EYA3: variants seen among roughly 807,000 people sequenced by gnomAD.
EYA3 encodes the protein EYA transcriptional coactivator and phosphatase 3, also known as protein phosphatase EYA3.
In EYA3, 39 loss-of-function variants were observed where a neutral mutation model predicts 80.0. That is an observed-to-expected ratio of 0.49 (90% CI 0.38 to 0.64). The LOEUF (loss-of-function observed/expected upper bound fraction) is 0.64. Among genes scored for constraint, EYA3 ranks in the 30% least tolerant of loss-of-function variants. The pLI, the probability that EYA3 is intolerant of heterozygous loss-of-function variation, is 0.00. For missense variants in EYA3, 523 were observed against 676.1 expected (o/e 0.77, Z 2.51); for synonymous variants, 206 against 232.8 (o/e 0.88, Z 1.05).
chr1:27,977,440 T>C lies in EYA3; in HGVS notation c.1641+934A>G, dbSNP rs1184454998. ...GAGGGAAAGAACTTCTACAGATCCA[T>C]TTAGCAGATGAGGATACTCAAAGAG... On this transcript the variant is annotated intron_variant, in intron 17 of 17. Transcript: ENST00000373871. 6.6e-6 allele frequency: 10 copies of C among 1,505,236 alleles called. No individual in the cohort carries two copies. The Admixed American group carries it at 2.0e-4, about 31-fold the overall frequency. 93.2% of individuals were successfully genotyped at this position (1,505,236 alleles called of 1,614,324 possible).
At chr1:28,055,779 C>A (rs1644417930) in intron 2 of EYA3, among the ~76,000 whole-genome samples, 1 of 151,966 alleles carries the variant, frequency 6.6e-6, no homozygotes. Context: ...CCGATCTGAA[C>A]AAAATCTTGA....
intron 1 of EYA3, among the ~76,000 whole-genome samples, chr1:28,071,161 T>C (rs1645008990): frequency 6.6e-6 from 1 of 152,132 alleles, no homozygotes; most frequent in South Asian, 2.1e-4. Context: ...TGACCTCAAG[T>C]GATCTGCTTG....
At chr1:27,983,254 T>A (rs1283369917) in intron 16 of EYA3, among the ~76,000 whole-genome samples, 2 of 152,210 alleles carry the variant, frequency 1.3e-5, no homozygotes, top group African/African-American at 4.8e-5. Flanking sequence ...GGGTAGGATT[T>A]AGCCCATGGA....
intron 8 of EYA3, 132 bp downstream of exon 8, chr1:28,017,022 G>T: frequency 3.0e-6 from 2 of 667,146 alleles, no homozygotes; most frequent in Non-Finnish European, 5.2e-6. Context: ...AGTTCTGAAG[G>T]TATCCAGAAA....
intron 1 of EYA3, among the ~76,000 whole-genome samples, chr1:28,086,804 A>G (rs1426927076): frequency 6.6e-6 from 1 of 152,160 alleles, no homozygotes; most frequent in East Asian, 1.9e-4. Flanking sequence ...AGGTACACAT[A>G]AGAAACTTTC....
At position 27,973,802 on chromosome 1, in the gene EYA3, T is replaced by C. The variant is rs1283748257; in HGVS notation, c.*664A>G. 6.6e-6 allele frequency: 1 copy of C among 152,192 alleles called. No individual in the cohort carries two copies. Among genetic ancestry groups the C allele is most frequent in the African/African-American group, 2.4e-5 (1 of 41,436 alleles). 9.4% of individuals were successfully genotyped at this position (152,192 alleles called of 1,614,324 possible). On this transcript the variant is annotated 3_prime_UTR_variant, in exon 18 of 18. Coordinates refer to ENST00000373871, the MANE Select transcript of EYA3 (RefSeq NM_001990.4). ...GTATTTTAGATATTTCAATTACTAT[T>C]TTCAAGACTTTAAACACCCCTTCTT... is the stretch of plus-strand genomic sequence containing the variant.
At position 28,019,715 on chromosome 1, in the gene EYA3, T is replaced by C. The variant is rs568020570; in HGVS notation, c.500-2476A>G. ...TACCTTCTCCATATCCTTTTTTTCT[T>C]TTTTTTGAGATGAGTATCACTCTTG... On this transcript the variant is annotated intron_variant, in intron 7 of 17. Transcript: ENST00000373871. 2.6e-5 allele frequency among the ~76,000 whole-genome samples: 4 copies of C among 152,198 alleles called. No individual in the cohort carries two copies. In the South Asian group the frequency reaches 6.2e-4, roughly 24 times the overall value.
At chr1:27,989,932 T>G (rs72656570) in intron 14 of EYA3, 121 bp from the exon 15 acceptor site, 4,795 of 473,564 alleles carry the variant, frequency 0.01, 39 homozygotes, top group African/African-American at 0.034. Flanking sequence ...CTGAGTATGT[T>G]TATATATATA....
At position 28,088,587 on chromosome 1, in the gene EYA3, T is replaced by C. The variant is rs1645759315; in HGVS notation, c.-132A>G. 1.3e-5 allele frequency: 2 copies of C among 152,744 alleles called. No individual in the cohort carries two copies. The highest frequency in any genetic ancestry group is 4.2e-4 in the South Asian group (2 of 4,818). The allele number at this position is 152,744 out of a possible 1,614,324, so 9.5% of individuals were successfully genotyped here. ...CAGTCCAGACCCACAGTAGAACCAA[T>C]CGAGCGGAGGAAACCGCGGCGTTAG... is the stretch of plus-strand genomic sequence containing the variant. On this transcript the variant is annotated 5_prime_UTR_variant, in exon 1 of 18. Coordinates refer to ENST00000373871, the MANE Select transcript of EYA3 (RefSeq NM_001990.4).
chr1:28,039,504 A>G (rs6687671), intron 4 of EYA3, among the ~76,000 whole-genome samples: 41,710 of 152,056 alleles, frequency 0.27, 5,751 homozygotes, highest in African/African-American at 0.29. Flanking sequence ...CTGATGTGAT[A>G]CTCTGATGAA....
chr1:28,084,595 A>ATTTTTT lies in EYA3; in HGVS notation c.-69+3923_-69+3928dup, dbSNP rs869103612. On this transcript the variant is annotated intron_variant, in intron 1 of 17. Transcript: ENST00000373871. ...TATATATATATATATATATATATAT[A>ATTTTTT]TTTTTTTTTTTTTTTTTTTTTTTTT... Among the ~76,000 whole-genome samples the ATTTTTT allele has an allele frequency of 3.3e-4, 5 of 15,230 alleles. 1 individual carries two copies. The highest frequency in any genetic ancestry group is 3.2e-4 in the Non-Finnish European group (3 of 9,426). The allele number at this position is 15,230 out of a possible 152,430, so 10.0% of individuals were successfully genotyped here. A position where few individuals can be genotyped will look rare whatever the true frequency, so the allele number is the denominator to read the frequency against.
rs1369539993 is a variant in EYA3 at position 28,042,564 on chromosome 1, T to C, written c.157+7A>G. 1.2e-6 allele frequency: 2 copies of C among 1,611,276 alleles called. No homozygotes were observed. Among genetic ancestry groups the C allele is most frequent in the South Asian group, 2.2e-5 (2 of 91,030 alleles). ...CTGTTCAATCATGCACAGAATATGG[T>C]ACTTACTTTCCTCTGACATGGGAAG... is the stretch of plus-strand genomic sequence containing the variant. On this transcript the variant is annotated splice_region_variant and intron_variant, in intron 4 of 17. Transcript: ENST00000373871.
intron 1 of EYA3, among the ~76,000 whole-genome samples, chr1:28,080,822 C>T (rs1645396820): frequency 6.6e-6 from 1 of 152,160 alleles, no homozygotes; most frequent in Admixed American, 6.5e-5. Flanking sequence ...GTGGTCTCGG[C>T]TCACTGCAAC....
At chr1:27,981,374 CGG>C (rs1557521731) in intron 16 of EYA3, among the ~76,000 whole-genome samples, 2 of 152,120 alleles carry the variant, frequency 1.3e-5, no homozygotes, top group African/African-American at 4.8e-5. Flanking sequence ...GATGAGCCTG[CGG>C]GTGCCAGGTC....
chr1:27,989,928 A>C, intron 14 of EYA3, 117 bp from the exon 15 acceptor site: 1 of 500,568 alleles, frequency 2.0e-6, no homozygotes, highest in Non-Finnish European at 3.5e-6. Flanking sequence ...TCTACTGAGT[A>C]TGTTTATATA....
intron 6 of EYA3, among the ~76,000 whole-genome samples, chr1:28,030,169 GCTT>G (rs1283877959): frequency 6.6e-6 from 1 of 152,168 alleles, no homozygotes. Flanking sequence ...GAGAACCTCT[GCTT>G]CACCAGGGCA....
intron 6 of EYA3, among the ~76,000 whole-genome samples, chr1:28,028,190 A>T (rs925941178): frequency 1.3e-5 from 2 of 152,158 alleles, no homozygotes; most frequent in Non-Finnish European, 2.9e-5. Context: ...TGACTGGGGG[A>T]AATTGACCAG....
chr1:28,009,427 G>A lies in EYA3; in HGVS notation c.909+1520C>T, dbSNP rs556078084. Among the ~76,000 whole-genome samples the A allele has an allele frequency of 2.0e-5, 3 of 152,194 alleles. No individual in the cohort carries two copies. The highest frequency in any genetic ancestry group is 2.1e-4 in the South Asian group (1 of 4,820). ...AGCACTATGGGAGGCCGAGGCAGGC[G>A]GATCACGAGGTCAGGAGTTTAAGAA... On this transcript the variant is annotated intron_variant, in intron 10 of 17. Coordinates refer to ENST00000373871, the MANE Select transcript of EYA3 (RefSeq NM_001990.4). This position sits in a 1 kb window ranked among gnomAD's most constrained non-coding sequence, Gnocchi z 4.8.
intron 16 of EYA3, among the ~76,000 whole-genome samples, chr1:27,988,235 TACTC>T (rs1019205967): frequency 1.1e-4 from 16 of 152,194 alleles, no homozygotes; most frequent in African/African-American, 2.9e-4. Flanking sequence ...TTATACTACA[TACTC>T]TCTGTGAAAA....
Sources: allele counts gnomAD v4.1 joint callset (sites outside exome capture counted in the v4.1 genomes callset), GRCh38; gene constraint gnomAD v4.1.1; non-coding constraint Gnocchi (gnomAD v3.1); transcripts MANE v1.5; gene names NCBI Gene and HGNC (gene_info 2026-07-23, HGNC 2026-07-21).